SUCLG1: variants seen among roughly 807,000 people sequenced by gnomAD.
The protein encoded by SUCLG1 is succinate--CoA ligase [ADP/GDP-forming] subunit alpha, mitochondrial.
Under a neutral mutation model 37.3 loss-of-function variants are expected in SUCLG1, and 26 were observed. The ratio of observed to expected loss-of-function variants is 0.70; its 90% CI spans 0.51 to 0.97. SUCLG1 has a LOEUF of 0.97. Among genes scored for constraint, SUCLG1 ranks in the 50% least tolerant of loss-of-function variants. SUCLG1 has a pLI of 0.00. For missense variants in SUCLG1, 433 were observed against 432.9 expected, an observed-to-expected ratio of 1.00 and a Z score of 0.00; for synonymous variants, 163 against 155.6, an observed-to-expected ratio of 1.05 and a Z score of -0.36.
intron 7 of SUCLG1, among the ~76,000 whole-genome samples, chr2:84,428,492 T>C (rs1487819385): frequency 5.9e-5 from 9 of 152,086 alleles, no homozygotes; most frequent in South Asian, 2.1e-4. Context: ...AAGATCTACA[T>C]AGAATATGAG....
At chr2:84,425,657 G>A in intron 7 of SUCLG1, 54 bp from the exon 8 acceptor site, 1 of 1,596,068 alleles carries the variant, frequency 6.3e-7, no homozygotes, top group South Asian at 1.1e-5. Context: ...ATCAAAACGG[G>A]ACCTCAAATT....
intron 7 of SUCLG1, among the ~76,000 whole-genome samples, chr2:84,428,367 C>T (rs1242272831): frequency 6.6e-6 from 1 of 152,086 alleles, no homozygotes; most frequent in African/African-American, 2.4e-5. Context: ...CTATGAATTC[C>T]CTGAACACAG....
In SUCLG1 at chr2:84,459,121, G is replaced by A. The variant is rs576317863; in HGVS notation, c.97+52C>T. 7.2e-5 allele frequency: 109 copies of A among 1,511,736 alleles called. 1 individual carries two copies. In the Admixed American group the frequency reaches 2.0e-3, roughly 28 times the overall value. 93.6% of individuals were successfully genotyped at this position (1,511,736 alleles called of 1,614,324 possible). A position where few individuals can be genotyped will look rare whatever the true frequency, so the allele number is the denominator to read the frequency against. ...CGGCCTGGGCCAGGAGGTTGGGTCC[G>A]GCGGGGCCAATAACCCGCGGGCGCC... On this transcript the variant is annotated intron_variant, in intron 1 of 8. Coordinates refer to ENST00000393868, the MANE Select transcript of SUCLG1 (RefSeq NM_003849.4).
intron 5 of SUCLG1, 53 bp downstream of exon 5, chr2:84,440,994 G>C: frequency 6.4e-7 from 1 of 1,562,186 alleles, no homozygotes. Context: ...TGAGTTTTGA[G>C]GGTTTAAGGC....
At chr2:84,444,102 G>A (rs917533604) in intron 2 of SUCLG1, among the ~76,000 whole-genome samples, 1 of 152,136 alleles carries the variant, frequency 6.6e-6, no homozygotes, top group African/African-American at 2.4e-5. Context: ...ATTCCATCCA[G>A]TTAATGACAA....
chr2:84,452,183 T>TA (rs35100622), intron 1 of SUCLG1, among the ~76,000 whole-genome samples: 2,248 of 114,970 alleles, frequency 0.02, 46 homozygotes, highest in East Asian at 0.08. Context: ...AGTACTATAA[T>TA]AAAAAAAAAA....
chr2:84,427,509 T>G (rs1464444358), intron 7 of SUCLG1, among the ~76,000 whole-genome samples: 16 of 152,250 alleles, frequency 1.1e-4, no homozygotes, highest in Non-Finnish European at 2.9e-5. Flanking sequence ...CATCATTTAA[T>G]AACAACAAAT....
intron 7 of SUCLG1, among the ~76,000 whole-genome samples, chr2:84,429,884 T>G (rs1308708959): frequency 6.6e-6 from 1 of 151,986 alleles, no homozygotes; most frequent in Non-Finnish European, 1.5e-5. Context: ...AGGAAACCAC[T>G]GAGATGGTCC....
chr2:84,455,503 C>A lies in SUCLG1; in HGVS notation c.97+3670G>T, dbSNP rs567104007. The stretch of plus-strand genomic sequence containing the variant: ...GAGCAAAACTCTGTCTCAAAAAAAA[C>A]ATATATATCAGTAATAAGACACAAC... On this transcript the variant is annotated intron_variant, in intron 1 of 8. Coordinates refer to ENST00000393868, the MANE Select transcript of SUCLG1 (RefSeq NM_003849.4). 1.2e-4 allele frequency among the ~76,000 whole-genome samples: 15 copies of A among 126,796 alleles called. No individual in the cohort carries two copies. The East Asian group carries it at 2.6e-3, about 22-fold the overall frequency. 83.2% of individuals were successfully genotyped at this position (126,796 alleles called of 152,430 possible). A position where few individuals can be genotyped will look rare whatever the true frequency, so the allele number is the denominator to read the frequency against.
chr2:84,458,108 T>G (rs1673057332), intron 1 of SUCLG1, among the ~76,000 whole-genome samples: 1 of 151,898 alleles, frequency 6.6e-6, no homozygotes. Flanking sequence ...TTTATATAAA[T>G]TGCTCCACTT....
At chr2:84,459,051 C>A (rs905276763) in intron 1 of SUCLG1, 122 bp downstream of exon 1, 12 of 988,268 alleles carry the variant, frequency 1.2e-5, no homozygotes, top group African/African-American at 1.7e-5. Context: ...GAATCCCAAG[C>A]GGCTCCCAGG....
intron 1 of SUCLG1, among the ~76,000 whole-genome samples, chr2:84,455,072 C>T (rs1285191746): frequency 6.6e-6 from 1 of 152,198 alleles, no homozygotes; most frequent in Non-Finnish European, 1.5e-5. Flanking sequence ...CCTTATAATA[C>T]AGCAGAGTAG....
chr2:84,441,139 A>G lies in SUCLG1; in HGVS notation c.532-35T>C, dbSNP rs200978645. The G allele has an allele frequency of 1.1e-5, 17 of 1,614,006 alleles. No individual in the cohort carries two copies. The East Asian group carries it at 3.8e-4, about 36-fold the overall frequency. ...ATCATAGTTTTCAGAAATGTTAAAA[A>G]AAAAAGTCACTCACAGGTCATACAC... On this transcript the variant is annotated intron_variant, in intron 4 of 8. Coordinates refer to ENST00000393868, the MANE Select transcript of SUCLG1 (RefSeq NM_003849.4).
chr2:84,448,187 A>C (rs867649211), intron 2 of SUCLG1, among the ~76,000 whole-genome samples: 106 of 143,826 alleles, frequency 7.4e-4, no homozygotes, highest in African/African-American at 2.9e-3. Flanking sequence ...AAAAAAACAA[A>C]AAACAAAAAA....
intron 1 of SUCLG1, among the ~76,000 whole-genome samples, chr2:84,453,036 G>A (rs1034973781): frequency 1.4e-4 from 21 of 152,198 alleles, no homozygotes; most frequent in African/African-American, 5.1e-4. Context: ...CTGCATGGAA[G>A]TTCGGCCCTA....
chr2:84,441,036 A>C lies in SUCLG1; in HGVS notation c.589+11T>G. On this transcript the variant is annotated intron_variant, in intron 5 of 8. Coordinates refer to ENST00000393868, the MANE Select transcript of SUCLG1 (RefSeq NM_003849.4). ...CGTTTTAATCTATAAGAATGTAACA[A>C]ACAAACTCACCAATCCTTCCTTTTT... The C allele has an allele frequency of 5.0e-6, 8 of 1,613,798 alleles. No individual in the cohort carries two copies. The highest frequency in any genetic ancestry group is 6.8e-6 in the Non-Finnish European group (8 of 1,179,852).
chr2:84,423,822 A>G, intron 8 of SUCLG1, 50 bp from the exon 9 acceptor site: 2 of 1,562,602 alleles, frequency 1.3e-6, no homozygotes, highest in African/African-American at 2.7e-5. Context: ...ATAAAGATAA[A>G]AGATCCAAAT....
chr2:84,430,076 C>CCA (rs1167311799), intron 7 of SUCLG1, among the ~76,000 whole-genome samples: 76 of 152,048 alleles, frequency 5.0e-4, no homozygotes, highest in African/African-American at 1.8e-3. Flanking sequence ...GAAAATAGAT[C>CCA]CAGGGAATGA....
At chr2:84,450,098 C>A (rs1289773471) in intron 1 of SUCLG1, among the ~76,000 whole-genome samples, 1 of 152,156 alleles carries the variant, frequency 6.6e-6, no homozygotes, top group African/African-American at 2.4e-5. Context: ...AATCCAGGGA[C>A]TGAAAACAAA....
Sources: allele counts gnomAD v4.1 joint callset (sites outside exome capture counted in the v4.1 genomes callset), GRCh38; gene constraint gnomAD v4.1.1; transcripts MANE v1.5; gene names NCBI Gene and HGNC (gene_info 2026-07-23, HGNC 2026-07-21).